BTG4: variants seen among roughly 807,000 people sequenced by gnomAD.
BTG4 encodes BTG anti-proliferation factor 4, also known as protein BTG4.
Under a neutral mutation model 19.3 loss-of-function variants are expected in BTG4, and 10 were observed. That is an observed-to-expected ratio of 0.52 (90% CI 0.32 to 0.88). The LOEUF (loss-of-function observed/expected upper bound fraction) is 0.88, where lower values mean the gene tolerates loss of function less well. Ranked by LOEUF, BTG4 falls within the 40% of genes least tolerant of loss-of-function variation. BTG4 has a pLI of 0.04. For missense variants in BTG4, 238 were observed against 281.9 expected, an observed-to-expected ratio of 0.84 and a Z score of 1.11; for synonymous variants, 91 against 95.7, an observed-to-expected ratio of 0.95 and a Z score of 0.29.
the BTG4 span, chr11:111,385,543 A>G: frequency 6.6e-6 from 1 of 152,046 alleles, no homozygotes; most frequent in Non-Finnish European, 1.5e-5. Context: ...TGAATTCAAT[A>G]GTATATTAAG....
chr11:111,423,837 A>C, the BTG4 span, among the ~76,000 whole-genome samples: 1 of 152,126 alleles, frequency 6.6e-6, no homozygotes, highest in Non-Finnish European at 1.5e-5. Context: ...AGGAGCTGTG[A>C]GCTGAGGACT....
downstream of BTG4, among the ~76,000 whole-genome samples, chr11:111,492,208 T>TG (rs75803083): frequency 7.7e-4 from 118 of 152,314 alleles, 1 homozygote; most frequent in East Asian, 0.022. Flanking sequence ...AGGGGTACAG[T>TG]GTCACCTCTG....
chr11:111,445,910 A>G, the BTG4 span, among the ~76,000 whole-genome samples: 1 of 152,132 alleles, frequency 6.6e-6, no homozygotes, highest in Non-Finnish European at 1.5e-5. Context: ...ATCTGAACCT[A>G]CTTAGGCCCC....
intron 3 of BTG4, 59 bp from the exon 4 acceptor site, chr11:111,497,468 A>AGGAAAGATTGGAG: frequency 1.7e-6 from 2 of 1,167,074 alleles, no homozygotes; most frequent in Non-Finnish European, 2.3e-6. Flanking sequence ...CAAGATCTCC[A>AGGAAAGATTGGAG]ATCTTTCCTG....
the BTG4 span, among the ~76,000 whole-genome samples, chr11:111,392,047 T>C: frequency 5.3e-5 from 8 of 152,106 alleles, no homozygotes; most frequent in Non-Finnish European, 7.3e-5. Flanking sequence ...AGTGAGCCCT[T>C]CATTTTTAAA....
At chr11:111,442,226 T>A in the BTG4 span, among the ~76,000 whole-genome samples, 4 of 149,826 alleles carry the variant, frequency 2.7e-5, no homozygotes, top group South Asian at 8.5e-4. Flanking sequence ...TGAGATCAGG[T>A]GCGGTGGCTC....
the BTG4 span, chr11:111,384,845 C>T: frequency 1.3e-5 from 2 of 152,060 alleles, no homozygotes; most frequent in African/African-American, 2.4e-5. Context: ...CATGATTACA[C>T]AAGTCCAGAG....
chr11:111,426,923 A>T, the BTG4 span, among the ~76,000 whole-genome samples: 1 of 152,230 alleles, frequency 6.6e-6, no homozygotes, highest in Admixed American at 6.5e-5. Flanking sequence ...CAGCGCCATC[A>T]GAACATTTCT....
chr11:111,393,617 G>A, the BTG4 span, among the ~76,000 whole-genome samples: 1 of 152,200 alleles, frequency 6.6e-6, no homozygotes, highest in African/African-American at 2.4e-5. Flanking sequence ...AGAAAAGCCA[G>A]GAGGAAAAAC....
intron 1 of BTG4, among the ~76,000 whole-genome samples, chr11:111,510,456 TA>T (rs1227681596): frequency 6.6e-6 from 1 of 152,216 alleles, no homozygotes; most frequent in Non-Finnish European, 1.5e-5. Context: ...TTGTACTGTC[TA>T]AAACAAATGC....
At chr11:111,512,936 C>T (rs73555132), upstream of BTG4, 470 of 447,236 alleles carry the variant, frequency 1.1e-3, 5 homozygotes, top group African/African-American at 8.9e-3. Flanking sequence ...CGCGGGTGCC[C>T]GGTGCTCGGT....
downstream of BTG4, among the ~76,000 whole-genome samples, chr11:111,465,317 TAC>T (rs1863657331): frequency 6.6e-6 from 1 of 152,148 alleles, no homozygotes; most frequent in Non-Finnish European, 1.5e-5. Flanking sequence ...GCCCACTCCA[TAC>T]CTCCAACTCC....
downstream of BTG4, among the ~76,000 whole-genome samples, chr11:111,493,002 C>T (rs902221657): frequency 2.0e-5 from 3 of 152,060 alleles, no homozygotes; most frequent in Non-Finnish European, 2.9e-5. Context: ...AAAAATTACC[C>T]GGGCATGGGG....
the BTG4 span, among the ~76,000 whole-genome samples, chr11:111,459,127 A>G: frequency 6.6e-6 from 1 of 152,108 alleles, no homozygotes; most frequent in Non-Finnish European, 1.5e-5. Context: ...CTGTAATCTC[A>G]GCTACTTGGG....
At chr11:111,470,640 G>A (rs1864003495) in intron 5 of BTG4, among the ~76,000 whole-genome samples, 1 of 152,120 alleles carries the variant, frequency 6.6e-6, no homozygotes. Context: ...ACTTTTGCCA[G>A]GTGCAGTAGT....
At chr11:111,514,645 C>T, upstream of BTG4, 1 of 649,836 alleles carries the variant, frequency 1.5e-6, no homozygotes, top group Non-Finnish European at 2.6e-6. Flanking sequence ...CCCCCACGCG[C>T]GTGGCGGATC....
the BTG4 span, among the ~76,000 whole-genome samples, chr11:111,431,582 T>C: frequency 2.0e-5 from 3 of 152,224 alleles, no homozygotes; most frequent in African/African-American, 7.2e-5. Flanking sequence ...AAATATTCAC[T>C]GTTTAATCAA....
At chr11:111,498,470 G>T (rs564121687) in intron 2 of BTG4, 134 bp downstream of exon 2, 6 of 788,748 alleles carry the variant, frequency 7.6e-6, no homozygotes. Context: ...TCAATTCCAC[G>T]TTCAAACAAA....
chr11:111,461,127 G>A, the BTG4 span, among the ~76,000 whole-genome samples: 14 of 152,104 alleles, frequency 9.2e-5, no homozygotes, highest in African/African-American at 3.4e-4. Flanking sequence ...TCAGCCATTG[G>A]CAGATCTCCA....
Sources: gnomAD v4.1 joint callset for allele counts (sites outside exome capture counted in the v4.1 genomes callset) on GRCh38, gnomAD v4.1.1 for gene constraint, MANE v1.5 for transcripts, NCBI Gene and HGNC (gene_info 2026-07-23, HGNC 2026-07-21) for gene names.